Variants in PEAR1 observed in about 807,000 individuals in gnomAD.
PEAR1 encodes platelet endothelial aggregation receptor 1, also known as multiple EGF-like domains protein 12.
In PEAR1, 113 loss-of-function variants were observed where a neutral mutation model predicts 131.2. The ratio of observed to expected loss-of-function variants is 0.86; its 90% confidence interval spans 0.74 to 1.01. The LOEUF is 1.01. Among genes scored for constraint, PEAR1 ranks in the 50% least tolerant of loss-of-function variants. The pLI, the probability that PEAR1 is intolerant of heterozygous loss-of-function variation, is 0.00. For synonymous variants in PEAR1, 565 were observed against 523.3 expected, an observed-to-expected ratio of 1.08 and a Z score of -1.09; for missense variants, 1,408 against 1,391.1, an observed-to-expected ratio of 1.01 and a Z score of -0.19.
In PEAR1 at chr1:156,913,713, G is replaced by A. The variant is rs774807176; in HGVS notation, c.2666G>A (p.Ser889Asn). Reference protein sequence around the residue: ...LDRGSSRLDRSYSYSYSNGPG... With the variant: ...LDRGSSRLDRNYSYSYSNGPG... ...TCAGGGAGCAGCCGCCTGGACCGAA[G>A]CTACAGCTATAGCTACAGCAATGGC... is the stretch of plus-strand genomic sequence containing the variant. The change falls in exon 21 of 23, where the codon AGC becomes AAC. Residue 889 changes from serine to asparagine, a missense_variant. Coordinates refer to ENST00000292357, the MANE Select transcript of PEAR1 (RefSeq NM_001080471.3). 26 of 1,613,956 alleles carry A rather than the reference G, an allele frequency of 1.6e-5. No homozygotes were observed. In the South Asian group the frequency reaches 2.7e-4, roughly 17 times the overall value.
chr1:156,897,367 G>T (rs1053720357), intron 1 of PEAR1, among the ~76,000 whole-genome samples: 2 of 152,242 alleles, frequency 1.3e-5, no homozygotes, highest in African/African-American at 2.4e-5. Context: ...GTCCAACCTG[G>T]TGGGGAAACC....
intron 1 of PEAR1, among the ~76,000 whole-genome samples, chr1:156,900,850 A>T (rs1649608179): frequency 1.3e-5 from 2 of 152,074 alleles, no homozygotes; most frequent in South Asian, 4.2e-4. Context: ...GAGTGGTCTC[A>T]TTTCACCCCC....
At position 156,908,195 on chromosome 1, in the gene PEAR1, G is replaced by C. The variant is rs780398184; in HGVS notation, c.970G>C (p.Asp324His). 6.2e-6 allele frequency: 10 copies of C among 1,603,202 alleles called. No homozygotes were observed. The South Asian group carries it at 9.9e-5, about 16-fold the overall frequency. Residue 324 changes from aspartate (D) to histidine (H), a missense_variant, in exon 9 of 23, where the codon GAC becomes CAC. By Grantham distance (81) the Asp-to-His change is moderately conservative. Transcript: ENST00000292357. The surrounding 1 kb of genome is among the most constrained non-coding windows in gnomAD (Gnocchi z 4.2). ...TGCTGAGACGTGCGACTGCGCCCCG[G>C]ACGCCCGTTGCTTCCCGGCCAACGG... ...DCAETCDCAP[D>H]ARCFPANGAC...
chr1:156,897,044 C>G (rs1649237055), intron 1 of PEAR1, among the ~76,000 whole-genome samples: 1 of 152,238 alleles, frequency 6.6e-6, no homozygotes, highest in Non-Finnish European at 1.5e-5. Context: ...CTCTCCCTCT[C>G]TCCCATTCCT....
chr1:156,902,650 G>A lies in PEAR1; in HGVS notation c.-9-1268G>A, dbSNP rs931458612. On this transcript the variant is annotated intron_variant, in intron 1 of 22. Transcript: ENST00000292357. The surrounding 1 kb of genome is among the most constrained non-coding windows in gnomAD (Gnocchi z 4.3). ...AGCAACATTCCAGAGATACTCAGGG[G>A]GGTAAGGGGCCAGCAACCGCGACCT... Among the ~76,000 whole-genome samples the A allele has an allele frequency of 1.3e-5, 2 of 152,092 alleles. No individual in the cohort carries two copies. Among genetic ancestry groups the A allele is most frequent in the Non-Finnish European group, 2.9e-5 (2 of 67,998 alleles).
intron 17 of PEAR1, 26 bp from the exon 18 acceptor site, chr1:156,912,744 C>T (rs777194690): frequency 6.2e-7 from 1 of 1,613,800 alleles, no homozygotes; most frequent in Non-Finnish European, 8.5e-7. Context: ...AGATGCCATT[C>T]TGAGTGAGCA....
chr1:156,895,666 G>T (rs866359455), intron 1 of PEAR1, among the ~76,000 whole-genome samples: 1 of 152,186 alleles, frequency 6.6e-6, no homozygotes, highest in Non-Finnish European at 1.5e-5. Context: ...TGCCCGGAGG[G>T]AGAAAAGCAG....
At chr1:156,904,499 G>C (rs1365497696) in intron 2 of PEAR1, among the ~76,000 whole-genome samples, 1 of 152,202 alleles carries the variant, frequency 6.6e-6, no homozygotes, top group Non-Finnish European at 1.5e-5. Flanking sequence ...GAGAAAAATG[G>C]AAGGCTCCGG....
At chr1:156,903,731 G>A (rs540651810) in intron 1 of PEAR1, among the ~76,000 whole-genome samples, 187 bp from the exon 2 acceptor site, 11 of 152,306 alleles carry the variant, frequency 7.2e-5, no homozygotes, top group Admixed American at 2.6e-4. Flanking sequence ...AGCAAAGACC[G>A]GAGGCGTGGA....
At chr1:156,905,830 C>G (rs1026251004) in intron 4 of PEAR1, among the ~76,000 whole-genome samples, 2 of 152,100 alleles carry the variant, frequency 1.3e-5, no homozygotes, top group African/African-American at 4.8e-5. Context: ...TCTGACTTGT[C>G]ACTATCCAGT....
chr1:156,913,092 G>T, intron 18 of PEAR1, 102 bp from the exon 19 acceptor site: 1 of 1,538,870 alleles, frequency 6.5e-7, no homozygotes, highest in Non-Finnish European at 8.9e-7. Flanking sequence ...GAGGGAGGAA[G>T]GGAGGTCAGG....
intron 5 of PEAR1, 34 bp from the exon 6 acceptor site, chr1:156,906,603 C>T (rs750647675): frequency 6.8e-6 from 11 of 1,613,040 alleles, no homozygotes; most frequent in Middle Eastern, 1.7e-4. Flanking sequence ...GACTAGACCC[C>T]TGGTGACCCC....
chr1:156,909,591 C>G (rs763639197), intron 11 of PEAR1, among the ~76,000 whole-genome samples, 160 bp from the exon 12 acceptor site: 2 of 152,194 alleles, frequency 1.3e-5, no homozygotes, highest in Non-Finnish European at 2.9e-5. Context: ...CCTTCTGCTC[C>G]GCATCAAATA....
intron 3 of PEAR1, among the ~76,000 whole-genome samples, 165 bp from the exon 4 acceptor site, chr1:156,905,159 A>G (rs548281039): frequency 4.6e-5 from 7 of 152,048 alleles, no homozygotes; most frequent in Admixed American, 2.0e-4. Flanking sequence ...GCTGGAGTGC[A>G]GTGGCGAGAT....
At chr1:156,898,596 G>A (rs937080105) in intron 1 of PEAR1, among the ~76,000 whole-genome samples, 2 of 152,170 alleles carry the variant, frequency 1.3e-5, no homozygotes, top group African/African-American at 2.4e-5. Flanking sequence ...TTTGGACTGC[G>A]ATCTCACTGC....
intron 15 of PEAR1, 83 bp from the exon 16 acceptor site, chr1:156,912,164 A>T: frequency 6.6e-7 from 1 of 1,511,554 alleles, no homozygotes; most frequent in Non-Finnish European, 8.9e-7. Flanking sequence ...GCTGAGCTAA[A>T]GGCTTCAGTG....
chr1:156,905,199 T>A, intron 3 of PEAR1, 125 bp from the exon 4 acceptor site: 5 of 1,136,112 alleles, frequency 4.4e-6, no homozygotes, highest in Non-Finnish European at 6.3e-6. Context: ...AAACAGGGAA[T>A]GCGCTTTCTA....
Position 156,906,689 on chromosome 1 carries a change from C to T in PEAR1, c.453C>T (p.Gly151=). The T allele has an allele frequency of 6.2e-7, 1 of 1,614,214 alleles. No homozygotes were observed. Among genetic ancestry groups the T allele is most frequent in the Non-Finnish European group, 8.5e-7 (1 of 1,180,030 alleles). ...AGTGTGACAAGCCCTGCAGCTGCGG[C>T]AACAACAGCTCGTGTGATCCCAAGA... The part of the protein sequence containing the change: ...GPQCDKPCSC[G]NNSSCDPKSG... The change falls in exon 6 of 23, where the codon GGC becomes GGT. Residue 151 remains glycine (G), a synonymous_variant. Coordinates refer to ENST00000292357, the MANE Select transcript of PEAR1 (RefSeq NM_001080471.3).
chr1:156,906,618 C>G lies in PEAR1; in HGVS notation c.401-19C>G, dbSNP rs781759197. ...GACTAGACCCCTGGTGACCCCCTTC[C>G]CGCCTCCTTATCCCACAGAGTGTGC... On this transcript the variant is annotated intron_variant, in intron 5 of 22. Transcript: ENST00000292357. 8 of 1,613,804 alleles carry G rather than the reference C, an allele frequency of 5.0e-6. No individual in the cohort carries two copies. The highest frequency in any genetic ancestry group is 1.3e-5 in the African/African-American group (1 of 74,924).
Sources: gnomAD v4.1 joint callset for allele counts (sites outside exome capture counted in the v4.1 genomes callset) on GRCh38, gnomAD v4.1.1 for gene constraint, Gnocchi (gnomAD v3.1) non-coding constraint, MANE v1.5 for transcripts, NCBI Gene and HGNC (gene_info 2026-07-23, HGNC 2026-07-21) for gene names.